XKR6: variants seen among roughly 807,000 people sequenced by gnomAD.
XKR6 encodes XK related 6, also known as XK-related protein 6.
A neutral mutation model predicts 56.7 loss-of-function variants in XKR6; 22 were observed. The ratio of observed to expected loss-of-function variants is 0.39; its 90% confidence interval spans 0.28 to 0.55. The LOEUF (loss-of-function observed/expected upper bound fraction) is 0.55. Ranked by LOEUF, XKR6 falls within the 20% of genes least tolerant of loss-of-function variation. The pLI is 0.66. For synonymous variants in XKR6, 524 were observed against 387.8 expected, an observed-to-expected ratio of 1.35 and a Z score of -4.13; for missense variants, 852 against 889.0, an observed-to-expected ratio of 0.96 and a Z score of 0.53.
intron 2 of XKR6, among the ~76,000 whole-genome samples, chr8:10,905,933 T>C (rs1174860688): frequency 6.6e-6 from 1 of 152,022 alleles, no homozygotes; most frequent in African/African-American, 2.4e-5. Context: ...ACAGGAGACA[T>C]GGCAAGGGAG....
At chr8:11,145,347 C>T (rs1289938389) in intron 1 of XKR6, among the ~76,000 whole-genome samples, 2 of 152,046 alleles carry the variant, frequency 1.3e-5, no homozygotes, top group Admixed American at 1.3e-4. Context: ...CTAAGTCTCC[C>T]ACAACTAAAG....
In XKR6 at chr8:10,898,834, G is replaced by A. The variant is rs1306545986; in HGVS notation, c.1044C>T (p.Asp348=). ...CCCCTCTGTAGCTCATGCTCTTCTT[G>A]TCGTCCCTGGAGTCCCGCAGCAGCT... ...YHKLLRDSRD[D]KKSMSYRGAI... is the part of the protein sequence containing the mutation. The change falls in exon 3 of 3, where the codon GAC becomes GAT. Residue 348 remains aspartate (D), a synonymous_variant. Coordinates refer to ENST00000416569, the MANE Select transcript of XKR6 (RefSeq NM_173683.4). The surrounding 1 kb of genome is among the most constrained non-coding windows in gnomAD (Gnocchi z 6.6). 4 of 1,614,022 alleles carry A rather than the reference G, an allele frequency of 2.5e-6. No homozygotes were observed. Among genetic ancestry groups the A allele is most frequent in the African/African-American group, 1.3e-5 (1 of 74,906 alleles).
intron 1 of XKR6, among the ~76,000 whole-genome samples, chr8:11,034,301 C>A (rs976298474): frequency 1.6e-4 from 24 of 152,160 alleles, no homozygotes; most frequent in Middle Eastern, 3.2e-3. Context: ...ACTTCAGCTG[C>A]AGCTTTGAAA....
intron 1 of XKR6, among the ~76,000 whole-genome samples, chr8:11,070,727 T>C (rs926303598): frequency 1.3e-5 from 2 of 152,226 alleles, no homozygotes; most frequent in Non-Finnish European, 2.9e-5. Flanking sequence ...TTGAACTTCA[T>C]AAAATCCTTA....
At chr8:11,017,019 G>C (rs1211779947) in intron 1 of XKR6, among the ~76,000 whole-genome samples, 3 of 152,248 alleles carry the variant, frequency 2.0e-5, no homozygotes, top group Admixed American at 6.5e-5. Flanking sequence ...GTAGATGGTA[G>C]AGATTTGCAT....
At chr8:10,983,763 C>T (rs1180404653) in intron 1 of XKR6, among the ~76,000 whole-genome samples, 1 of 151,922 alleles carries the variant, frequency 6.6e-6, no homozygotes, top group African/African-American at 2.4e-5. Flanking sequence ...TCACACAATT[C>T]TCCTGTGTCA....
intron 2 of XKR6, among the ~76,000 whole-genome samples, chr8:10,909,165 CA>C (rs33974218): frequency 0.17 from 23,586 of 140,516 alleles, 2,716 homozygotes; most frequent in African/African-American, 0.33. Context: ...GACTCTGTCT[CA>C]AAAAAAAAAA....
intron 1 of XKR6, among the ~76,000 whole-genome samples, chr8:11,024,204 GGT>G (rs61021720): frequency 0.076 from 10,317 of 136,540 alleles, 339 homozygotes; most frequent in South Asian, 0.089. Context: ...CCTGTTAGGA[GGT>G]GTGTGTGTGT....
At chr8:11,039,444 G>A (rs1189655049) in intron 1 of XKR6, among the ~76,000 whole-genome samples, 4 of 152,344 alleles carry the variant, frequency 2.6e-5, no homozygotes, top group Non-Finnish European at 4.4e-5. Context: ...TACTGGACAC[G>A]CTGTGTGTGC....
At chr8:11,071,482 ATGAGCCCCGAG>A (rs1800114797) in intron 1 of XKR6, among the ~76,000 whole-genome samples, 1 of 88,542 alleles carries the variant, frequency 1.1e-5, no homozygotes, top group African/African-American at 6.8e-5. Context: ...CCCCGAGTCC[ATGAGCCCCGAG>A]TCCATGAGCC....
At chr8:10,946,555 T>G (rs1801547747) in intron 1 of XKR6, among the ~76,000 whole-genome samples, 1 of 151,844 alleles carries the variant, frequency 6.6e-6, no homozygotes, top group African/African-American at 2.4e-5. Flanking sequence ...TGTCCTGCGG[T>G]TTTCCCTCCC....
chr8:11,001,508 A>T (rs1158609596), intron 1 of XKR6, among the ~76,000 whole-genome samples: 1 of 152,188 alleles, frequency 6.6e-6, no homozygotes, highest in South Asian at 2.1e-4. Flanking sequence ...GAGCAGAAAC[A>T]TGTCTAACAT....
intron 1 of XKR6, among the ~76,000 whole-genome samples, chr8:11,063,815 T>A (rs1234332948): frequency 6.6e-6 from 1 of 152,180 alleles, no homozygotes; most frequent in African/African-American, 2.4e-5. Context: ...TGGCCACAGA[T>A]ACTCTCCATT....
At chr8:11,160,158 A>G (rs937407717) in intron 1 of XKR6, among the ~76,000 whole-genome samples, 1 of 152,206 alleles carries the variant, frequency 6.6e-6, no homozygotes, top group Non-Finnish European at 1.5e-5. Flanking sequence ...ACGTGTCTCA[A>G]TTTCAGAAAT....
chr8:11,173,235 T>C (rs924490506), intron 1 of XKR6, among the ~76,000 whole-genome samples: 4 of 150,582 alleles, frequency 2.7e-5, no homozygotes, highest in African/African-American at 9.8e-5. Context: ...TCCCAGCTAC[T>C]CAGGAGGCTG....
At position 11,026,389 on chromosome 8, in the gene XKR6, T is replaced by C. The variant is rs375869693; in HGVS notation, c.765-101559A>G. On this transcript the variant is annotated intron_variant, in intron 1 of 2. Transcript: ENST00000416569. ...CTAAATGGTCTGGCCTACTACACAC[T>C]TAGATGGTCTAGCCTACTACACACC... 1.4e-3 allele frequency among the ~76,000 whole-genome samples: 181 copies of C among 130,472 alleles called. 4 individuals are homozygous for C. In the South Asian group the frequency reaches 0.036, roughly 26 times the overall value. 85.6% of individuals were successfully genotyped at this position (130,472 alleles called of 152,430 possible). A position where few individuals can be genotyped will look rare whatever the true frequency, so the allele number is the denominator to read the frequency against.
At chr8:10,942,368 T>A (rs1273491688) in intron 1 of XKR6, among the ~76,000 whole-genome samples, 2 of 152,216 alleles carry the variant, frequency 1.3e-5, no homozygotes, top group Non-Finnish European at 2.9e-5. Flanking sequence ...CAGATACGTG[T>A]GGACACACAG....
chr8:10,970,111 G>A (rs1802361250), intron 1 of XKR6, among the ~76,000 whole-genome samples: 1 of 152,176 alleles, frequency 6.6e-6, no homozygotes, highest in Admixed American at 6.5e-5. Flanking sequence ...GTTGGGCTCT[G>A]GTCAGATGCC....
intron 1 of XKR6, among the ~76,000 whole-genome samples, chr8:11,110,374 G>A (rs1315107134): frequency 7.9e-5 from 12 of 152,118 alleles, no homozygotes. Flanking sequence ...GGGGTATTGG[G>A]GTAGACTATT....
Sources: gnomAD v4.1 joint callset for allele counts (sites outside exome capture counted in the v4.1 genomes callset) on GRCh38, gnomAD v4.1.1 for gene constraint, Gnocchi (gnomAD v3.1) non-coding constraint, MANE v1.5 for transcripts, NCBI Gene and HGNC (gene_info 2026-07-23, HGNC 2026-07-21) for gene names.